Variants in DDX27 observed in about 807,000 individuals in gnomAD.
DDX27 encodes the protein probable ATP-dependent RNA helicase DDX27.
A neutral mutation model predicts 99.3 loss-of-function variants in DDX27; 42 were observed. The observed-to-expected ratio is 0.42, with a 90% CI of 0.33 to 0.55. The LOEUF is 0.55. DDX27 is among the 20% of genes least tolerant of loss of function. DDX27 has a pLI of 0.07. For missense variants in DDX27, 798 were observed against 976.8 expected (o/e 0.82, Z 2.44); for synonymous variants, 329 against 353.8 (o/e 0.93, Z 0.79).
At chr20:49,230,117 AG>A (rs767156112) in intron 8 of DDX27, 81 bp from the exon 9 acceptor site, 2 of 1,477,104 alleles carry the variant, frequency 1.4e-6, no homozygotes, top group Non-Finnish European at 1.8e-6. Flanking sequence ...ATCTGGCCTG[AG>A]GCCTGGTGAG....
At chr20:49,225,764 C>G (rs1386482631) in intron 6 of DDX27, among the ~76,000 whole-genome samples, 2 of 152,130 alleles carry the variant, frequency 1.3e-5, no homozygotes, top group African/African-American at 4.8e-5. Context: ...CGAGAACTCT[C>G]TTAAGCAATG....
rs541724982 is a variant in DDX27, at chr20:49,243,840, G to A, written c.*6G>A. The A allele has an allele frequency of 2.5e-5, 41 of 1,613,912 alleles. No individual in the cohort carries two copies. Among genetic ancestry groups the A allele is most frequent in the Middle Eastern group, 1.6e-4 (1 of 6,080 alleles). ...GATACAAGAGGAGGAAGTAGCTGTC[G>A]TGGCCTGAAGAAATTCATGGGGGCA... On this transcript the variant is annotated 3_prime_UTR_variant, in exon 21 of 21. Coordinates refer to ENST00000618172, the MANE Select transcript of DDX27 (RefSeq NM_017895.8).
intron 8 of DDX27, 83 bp from the exon 9 acceptor site, chr20:49,230,116 G>C (rs780478268): frequency 1.4e-6 from 2 of 1,475,490 alleles, no homozygotes; most frequent in Non-Finnish European, 1.8e-6. Context: ...CATCTGGCCT[G>C]AGGCCTGGTG....
At chr20:49,220,733 G>GGTCACACCCATGATGCGGGGTGTGTTT (rs1323069575) in intron 1 of DDX27, among the ~76,000 whole-genome samples, 3 of 152,136 alleles carry the variant, frequency 2.0e-5, no homozygotes, top group Non-Finnish European at 4.4e-5. Context: ...TACAGTGCCC[G>GGTCACACCCATGATGCGGGGTGTGTTT]GTCACACCCA....
At chr20:49,227,649 G>A (rs1245823145) in intron 7 of DDX27, among the ~76,000 whole-genome samples, 2 of 152,018 alleles carry the variant, frequency 1.3e-5, no homozygotes, top group African/African-American at 4.8e-5. Flanking sequence ...ATTTACAGGT[G>A]TGAGCCACCG....
At chr20:49,226,857 CTTTT>C (rs36048579) in intron 7 of DDX27, among the ~76,000 whole-genome samples, 4 of 63,460 alleles carry the variant, frequency 6.3e-5, no homozygotes, top group Admixed American at 2.4e-4. Context: ...GAGTAAAGGA[CTTTT>C]TTTTTTTTTT....
chr20:49,235,049 A>G lies in DDX27; in HGVS notation c.1388A>G (p.His463Arg). The change falls in exon 12 of 21, where the codon CAT becomes CGT. Residue 463 changes from histidine to arginine, a missense_variant. By Grantham distance (29) the His-to-Arg change is conservative. Around this residue, in one of 2 missense-constraint regions of DDX27, gnomAD observed 553 missense variants for 727.9 expected, o/e 0.76. Coordinates refer to ENST00000618172, the MANE Select transcript of DDX27 (RefSeq NM_017895.8). ...ATGGGGCTGCAGGTGGGTGAGCTCC[A>G]TGGCAACTTGTCACAGACGCAGCGG... Reference protein sequence around the residue: ...GLMGLQVGELHGNLSQTQRLE... With the variant: ...GLMGLQVGELRGNLSQTQRLE... 1.2e-6 allele frequency: 2 copies of G among 1,612,866 alleles called. No homozygotes were observed. Among genetic ancestry groups the G allele is most frequent in the Non-Finnish European group, 1.7e-6 (2 of 1,179,484 alleles).
chr20:49,221,733 G>T, intron 2 of DDX27, 135 bp downstream of exon 2: 1 of 650,168 alleles, frequency 1.5e-6, no homozygotes, highest in South Asian at 4.0e-5. Context: ...AAAATAACTG[G>T]TTAAAAAAAA....
chr20:49,223,118 G>A, intron 3 of DDX27, 102 bp downstream of exon 3: 2 of 1,362,446 alleles, frequency 1.5e-6, no homozygotes, highest in Non-Finnish European at 2.0e-6. Context: ...GGGCATGGCT[G>A]GGGCAGGCGC....
At chr20:49,226,899 G>C (rs1346667223) in intron 7 of DDX27, among the ~76,000 whole-genome samples, 2 of 112,602 alleles carry the variant, frequency 1.8e-5, no homozygotes, top group Non-Finnish European at 3.3e-5. Context: ...GTCTCGCTCT[G>C]TCGCCCAGGC....
rs761824316 is a variant in DDX27 at position 49,222,997 on chromosome 20, G to A, written c.281G>A (p.Arg94Gln). The A allele has an allele frequency of 5.6e-6, 9 of 1,613,082 alleles. No individual in the cohort carries two copies. The highest frequency in any genetic ancestry group is 1.1e-5 in the South Asian group (1 of 90,914). Residue 94 changes from arginine (R) to glutamine (Q), a missense_variant, in exon 3 of 21, where the codon CGA becomes CAA. Physicochemically the swap from Arg to Gln is conservative, Grantham distance 43. Coordinates refer to ENST00000618172, the MANE Select transcript of DDX27 (RefSeq NM_017895.8). ...TTAGATGAGAAGATTGAGAAAGTTC[G>A]AAAGAAAAGGAAAACAGAGGTGAGA... Reference protein sequence around the residue: ...TTLDEKIEKVRKKRKTEDKEA... With the variant: ...TTLDEKIEKVQKKRKTEDKEA...
chr20:49,235,746 A>ATT (rs1403906799), intron 12 of DDX27: 7 of 143,466 alleles, frequency 4.9e-5, no homozygotes, highest in South Asian at 4.4e-4. Flanking sequence ...ATCTATCCCT[A>ATT]TTTTTTTTTT....
At chr20:49,231,573 G>C (rs1980112976) in intron 9 of DDX27, among the ~76,000 whole-genome samples, 1 of 152,204 alleles carries the variant, frequency 6.6e-6, no homozygotes, top group East Asian at 1.9e-4. Flanking sequence ...GCCTGCACTG[G>C]GGAGAGAAAT....
At chr20:49,242,538 G>T in intron 18 of DDX27, 56 bp from the exon 19 acceptor site, 1 of 1,537,030 alleles carries the variant, frequency 6.5e-7, no homozygotes, top group South Asian at 1.1e-5. Flanking sequence ...AACTTAAGGG[G>T]ATTTAGGAGC....
chr20:49,222,574 G>T (rs1436809376), intron 2 of DDX27, among the ~76,000 whole-genome samples: 2 of 152,014 alleles, frequency 1.3e-5, no homozygotes, highest in East Asian at 3.9e-4. Context: ...GAGTGCAATG[G>T]CGTGATCTCG....
At chr20:49,226,556 G>A in intron 7 of DDX27, 21 bp downstream of exon 7, 1 of 1,601,914 alleles carries the variant, frequency 6.2e-7, no homozygotes, top group Non-Finnish European at 8.5e-7. Context: ...TAGGGACCCA[G>A]GGTGGGCAGA....
chr20:49,220,979 T>A (rs961911002), intron 1 of DDX27, among the ~76,000 whole-genome samples: 3 of 152,188 alleles, frequency 2.0e-5, no homozygotes, highest in Non-Finnish European at 4.4e-5. Context: ...CATTTTTTTT[T>A]AAGACAGAGT....
At chr20:49,220,869 C>T (rs948953120) in intron 1 of DDX27, among the ~76,000 whole-genome samples, 1 of 152,252 alleles carries the variant, frequency 6.6e-6, no homozygotes. Flanking sequence ...AGCCTGCTTT[C>T]ACGTGGCTTT....
In DDX27 at chr20:49,236,335, A is replaced by T. The variant is rs757687267; in HGVS notation, c.1512A>T (p.Val504=). 1 of 1,578,610 alleles carries T rather than the reference A, an allele frequency of 6.3e-7. No homozygotes were observed. The highest frequency in any genetic ancestry group is 2.3e-5 in the East Asian group (1 of 43,950). The part of the protein sequence containing the change: ...RGLDIEGVKT[V]INFTMPNTIK... ...GACGTTCATTTTTGACCTTCTAGGT[A>T]ATCAACTTCACAATGCCTAATACCA... Residue 504 remains valine, a splice_region_variant and synonymous_variant, in exon 14 of 21, where the codon GTA becomes GTT. Coordinates refer to ENST00000618172, the MANE Select transcript of DDX27 (RefSeq NM_017895.8). The surrounding 1 kb of genome is among the most constrained non-coding windows in gnomAD (Gnocchi z 4.1).
Sources: allele counts gnomAD v4.1 joint callset (sites outside exome capture counted in the v4.1 genomes callset), GRCh38; gene constraint gnomAD v4.1.1; regional missense constraint gnomAD v4.1.1; non-coding constraint Gnocchi (gnomAD v3.1); transcripts MANE v1.5; gene names NCBI Gene and HGNC (gene_info 2026-07-23, HGNC 2026-07-21).